C8orf34: variants seen among roughly 807,000 people sequenced by gnomAD.
The protein encoded by C8orf34 is chromosome 8 open reading frame 34, also known as uncharacterized protein C8orf34.
In C8orf34, 65 loss-of-function variants were observed where a neutral mutation model predicts 68.3. The ratio of observed to expected loss-of-function variants is 0.95; its 90% CI spans 0.78 to 1.17. The LOEUF (loss-of-function observed/expected upper bound fraction) is 1.17, where lower values mean the gene tolerates loss of function less well. C8orf34 is among the 50% of genes most tolerant of loss of function. The pLI, the probability that C8orf34 is intolerant of heterozygous loss-of-function variation, is 0.00. For synonymous variants in C8orf34, 244 were observed against 241.2 expected (o/e 1.01, Z -0.11); for missense variants, 664 against 655.4 (o/e 1.01, Z -0.14).
At chr8:68,588,329 A>G (rs890327267) in intron 7 of C8orf34, among the ~76,000 whole-genome samples, 3 of 150,960 alleles carry the variant, frequency 2.0e-5, no homozygotes, top group Non-Finnish European at 4.4e-5. Context: ...CAAATAGTAT[A>G]AAGCAGATAG....
At chr8:68,367,907 G>GAAAAAAAAAAA (rs1807360133) in intron 1 of C8orf34, among the ~76,000 whole-genome samples, 22 of 15,022 alleles carry the variant, frequency 1.5e-3, no homozygotes, top group Non-Finnish European at 1.8e-3. Flanking sequence ...AATAAAAAAA[G>GAAAAAAAAAAA]AAAAGAAAAA....
chr8:68,808,653 G>C (rs1175461213), intron 12 of C8orf34, among the ~76,000 whole-genome samples: 2 of 151,848 alleles, frequency 1.3e-5, no homozygotes, highest in Non-Finnish European at 2.9e-5. Context: ...TAAAATATAT[G>C]AGAGAATATG....
intron 1 of C8orf34, among the ~76,000 whole-genome samples, chr8:68,352,053 C>T (rs814443): frequency 0.67 from 101,112 of 151,844 alleles, 34,794 homozygotes; most frequent in African/African-American, 0.86. Context: ...TTTTTTTTTA[C>T]TGTCGAGTTT....
intron 7 of C8orf34, among the ~76,000 whole-genome samples, chr8:68,616,518 T>G (rs1211731909): frequency 6.6e-6 from 1 of 152,216 alleles, no homozygotes; most frequent in Non-Finnish European, 1.5e-5. Flanking sequence ...TCAAAGAACA[T>G]CTTTATTTCT....
intron 7 of C8orf34, among the ~76,000 whole-genome samples, chr8:68,574,276 TGTGA>T (rs1473287630): frequency 6.6e-6 from 1 of 152,070 alleles, no homozygotes; most frequent in Non-Finnish European, 1.5e-5. Flanking sequence ...TATTAACTTT[TGTGA>T]GTATTATGAT....
chr8:68,419,613 T>C (rs1809852697), intron 1 of C8orf34, among the ~76,000 whole-genome samples: 1 of 151,062 alleles, frequency 6.6e-6, no homozygotes, highest in African/African-American at 2.4e-5. Flanking sequence ...ATTAAGAAAA[T>C]GTGGCACATA....
At chr8:68,460,700 T>C (rs1334217387) in intron 3 of C8orf34, among the ~76,000 whole-genome samples, 2 of 152,152 alleles carry the variant, frequency 1.3e-5, no homozygotes, top group Non-Finnish European at 2.9e-5. Context: ...AGTGGACCTC[T>C]AGCAAACTCC....
chr8:68,482,482 C>T (rs952673617), intron 4 of C8orf34, among the ~76,000 whole-genome samples: 4 of 151,954 alleles, frequency 2.6e-5, no homozygotes, highest in African/African-American at 9.7e-5. Flanking sequence ...ACTATGTTGC[C>T]CAGGCTGGTC....
At chr8:68,550,284 G>A (rs1816021836) in intron 7 of C8orf34, among the ~76,000 whole-genome samples, 1 of 151,508 alleles carries the variant, frequency 6.6e-6, no homozygotes, top group Non-Finnish European at 1.5e-5. Context: ...TTGCTATGGA[G>A]TTTGGAATAT....
At chr8:68,396,109 A>C (rs552536621) in intron 1 of C8orf34, among the ~76,000 whole-genome samples, 1 of 152,134 alleles carries the variant, frequency 6.6e-6, no homozygotes, top group African/African-American at 2.4e-5. Flanking sequence ...CACTTCAAGC[A>C]TATTTTGGCA....
intron 1 of C8orf34, among the ~76,000 whole-genome samples, chr8:68,393,866 G>C (rs1456563934): frequency 6.6e-6 from 1 of 152,100 alleles, no homozygotes; most frequent in African/African-American, 2.4e-5. Context: ...CAAGGTTGAC[G>C]ATAGTTAACA....
intron 8 of C8orf34, among the ~76,000 whole-genome samples, chr8:68,708,127 T>C (rs1821223582): frequency 6.6e-6 from 1 of 152,170 alleles, no homozygotes; most frequent in Non-Finnish European, 1.5e-5. Context: ...AATTTTCTTA[T>C]ACAATACAGT....
intron 10 of C8orf34, among the ~76,000 whole-genome samples, chr8:68,747,840 C>T (rs1822556440): frequency 6.6e-6 from 1 of 151,922 alleles, no homozygotes; most frequent in Admixed American, 6.6e-5. Context: ...AATGCCATCC[C>T]CATCAAGCTA....
At chr8:68,375,599 G>T (rs1237971148) in intron 1 of C8orf34, among the ~76,000 whole-genome samples, 1 of 152,186 alleles carries the variant, frequency 6.6e-6, no homozygotes, top group East Asian at 1.9e-4. Context: ...AATGGCATGA[G>T]CCAAGACAAG....
At chr8:68,613,290 C>A (rs916115445) in intron 7 of C8orf34, among the ~76,000 whole-genome samples, 5 of 151,780 alleles carry the variant, frequency 3.3e-5, no homozygotes, top group Non-Finnish European at 7.4e-5. Flanking sequence ...ATGCCTTTTT[C>A]TTTTTATTTT....
chr8:68,643,578 T>G (rs1819077006), intron 8 of C8orf34, among the ~76,000 whole-genome samples: 1 of 152,192 alleles, frequency 6.6e-6, no homozygotes, highest in Non-Finnish European at 1.5e-5. Flanking sequence ...GGGGAGGACC[T>G]GCTTCCTCAT....
chr8:68,379,825 G>A (rs918430745), intron 1 of C8orf34, among the ~76,000 whole-genome samples: 4 of 152,088 alleles, frequency 2.6e-5, no homozygotes, highest in African/African-American at 7.2e-5. Context: ...TGTATACATC[G>A]TCACGCTTCT....
chr8:68,785,160 C>T (rs1029907078), intron 11 of C8orf34, among the ~76,000 whole-genome samples: 1 of 151,570 alleles, frequency 6.6e-6, no homozygotes, highest in Non-Finnish European at 1.5e-5. Context: ...GTCATTATCT[C>T]ACCACTACAC....
chr8:68,569,717 G>A (rs1162387934), intron 7 of C8orf34, among the ~76,000 whole-genome samples: 6 of 152,180 alleles, frequency 3.9e-5, no homozygotes, highest in African/African-American at 1.4e-4. Context: ...TACAAACTCT[G>A]TGCTGAATTA....
Sources: allele counts gnomAD v4.1 joint callset (sites outside exome capture counted in the v4.1 genomes callset), GRCh38; gene constraint gnomAD v4.1.1; transcripts MANE v1.5; gene names NCBI Gene and HGNC (gene_info 2026-07-23, HGNC 2026-07-21).